Variants in ERBB4 observed in about 807,000 individuals in gnomAD.
The protein encoded by ERBB4 is receptor tyrosine-protein kinase erbB-4.
A neutral mutation model predicts 158.0 loss-of-function variants in ERBB4; 42 were observed. The ratio of observed to expected loss-of-function variants is 0.27; its 90% CI spans 0.21 to 0.34. ERBB4 has a LOEUF of 0.34. ERBB4 is among the 10% of genes least tolerant of loss of function. The pLI is 1.00. For missense variants in ERBB4, 1,333 were observed against 1,624.1 expected (o/e 0.82, Z 3.08); for synonymous variants, 583 against 558.7 (o/e 1.04, Z -0.61).
chr2:212,127,232 T>C (rs2079959421), intron 1 of ERBB4, among the ~76,000 whole-genome samples: 1 of 152,220 alleles, frequency 6.6e-6, no homozygotes, highest in African/African-American at 2.4e-5. Flanking sequence ...CCTGAAGCTA[T>C]CAGGCCACAT....
chr2:212,170,209 C>T (rs2081474166), intron 1 of ERBB4, among the ~76,000 whole-genome samples: 1 of 152,084 alleles, frequency 6.6e-6, no homozygotes, highest in African/African-American at 2.4e-5. Context: ...GAGGTGGTCT[C>T]AGATGGAGAT....
chr2:212,274,836 A>G (rs2085469015), intron 1 of ERBB4, among the ~76,000 whole-genome samples: 1 of 151,746 alleles, frequency 6.6e-6, no homozygotes, highest in African/African-American at 2.4e-5. Flanking sequence ...GGTTTGTTAC[A>G]TAGGTATACA....
At chr2:211,739,828 T>A (rs564730891) in intron 5 of ERBB4, among the ~76,000 whole-genome samples, 2 of 152,232 alleles carry the variant, frequency 1.3e-5, no homozygotes, top group East Asian at 3.9e-4. Context: ...AAAGCATTGG[T>A]AATTGATTAA....
intron 20 of ERBB4, among the ~76,000 whole-genome samples, chr2:211,545,222 C>T (rs184844229): frequency 4.6e-5 from 7 of 151,798 alleles, no homozygotes; most frequent in Non-Finnish European, 5.9e-5. Flanking sequence ...TTTTAAAGTA[C>T]AAAAAGATAA....
rs192554678 is a variant in ERBB4, at chr2:211,458,428, G to A, written c.2488-27328C>T. ...ATTACAGGCACGTGCCATCACGCAC[G>A]GCTAATTTTTTGTATTTTAGTAGAG... On this transcript the variant is annotated intron_variant, in intron 20 of 27. Transcript: ENST00000342788. Among the ~76,000 whole-genome samples the A allele has an allele frequency of 2.4e-3, 361 of 152,080 alleles. 4 individuals carry two copies. The highest frequency in any genetic ancestry group is 8.2e-3 in the African/African-American group (339 of 41,488).
chr2:211,924,393 G>A (rs2079959322), intron 3 of ERBB4, among the ~76,000 whole-genome samples: 1 of 151,986 alleles, frequency 6.6e-6, no homozygotes, highest in South Asian at 2.1e-4. Flanking sequence ...GGTGATGGGT[G>A]CCCTAAAAGC....
chr2:211,811,654 T>C (rs761951876), intron 3 of ERBB4, among the ~76,000 whole-genome samples: 1 of 152,170 alleles, frequency 6.6e-6, no homozygotes. Flanking sequence ...AGTACACCAA[T>C]CAAATGTAGA....
Position 211,657,783 on chromosome 2 carries a change from C to G in ERBB4, c.1917G>C (p.Thr639=). ...TSHDCIYYPW[T]GHSTLPQHAR... ...CATGTTGTGGTAAAGTGGAATGGCC[C>G]GTCCATGGGTAGTAAATGCAGTCAT... is the stretch of plus-strand genomic sequence containing the variant. The change falls in exon 16 of 28, where the codon ACG becomes ACC. Residue 639 remains threonine, a synonymous_variant. Coordinates refer to ENST00000342788, the MANE Select transcript of ERBB4 (RefSeq NM_005235.3). 1.9e-6 allele frequency: 3 copies of G among 1,613,890 alleles called. No individual in the cohort carries two copies. In the South Asian group the frequency reaches 3.3e-5, roughly 18 times the overall value.
At chr2:211,570,343 T>C (rs1341885810) in intron 19 of ERBB4, among the ~76,000 whole-genome samples, 1 of 147,606 alleles carries the variant, frequency 6.8e-6, no homozygotes, top group Non-Finnish European at 1.5e-5. Context: ...TTTTTTTTTT[T>C]CTCAGTAGAG....
intron 25 of ERBB4, among the ~76,000 whole-genome samples, chr2:211,415,260 G>GCGCC (rs2063362632): frequency 1.3e-5 from 2 of 151,864 alleles, no homozygotes; most frequent in Non-Finnish European, 2.9e-5. Context: ...GGGACCACAG[G>GCGCC]CGCCCGCCAC....
At chr2:211,945,322 A>G (rs1180959309) in intron 3 of ERBB4, among the ~76,000 whole-genome samples, 1 of 152,102 alleles carries the variant, frequency 6.6e-6, no homozygotes, top group Non-Finnish European at 1.5e-5. Context: ...CAGAATACCT[A>G]AAGTTCAATG....
intron 1 of ERBB4, among the ~76,000 whole-genome samples, chr2:212,340,963 T>G (rs1290121594): frequency 6.6e-6 from 1 of 152,172 alleles, no homozygotes; most frequent in Non-Finnish European, 1.5e-5. Flanking sequence ...TTTATCAAGA[T>G]CTTAAAAGGT....
chr2:211,840,872 A>G (rs6435677), intron 3 of ERBB4, among the ~76,000 whole-genome samples: 124,012 of 152,004 alleles, frequency 0.82, 50,867 homozygotes, highest in Non-Finnish European at 0.86. Context: ...ACAATGGGGT[A>G]TGCAATTTAA....
At chr2:211,851,948 C>G (rs1559575191) in intron 3 of ERBB4, among the ~76,000 whole-genome samples, 1 of 151,860 alleles carries the variant, frequency 6.6e-6, no homozygotes, top group Non-Finnish European at 1.5e-5. Flanking sequence ...AAGACCTTTA[C>G]TGATATTTTC....
chr2:211,484,913 G>A (rs1017112043), intron 20 of ERBB4, among the ~76,000 whole-genome samples: 1 of 152,146 alleles, frequency 6.6e-6, no homozygotes, highest in African/African-American at 2.4e-5. Context: ...TGGACAAGTT[G>A]AACAGTCCAG....
intron 20 of ERBB4, among the ~76,000 whole-genome samples, chr2:211,433,296 G>A (rs1236638926): frequency 6.6e-6 from 1 of 152,110 alleles, no homozygotes; most frequent in East Asian, 1.9e-4. Flanking sequence ...AAAAAGGGGA[G>A]TGAGGCCGGG....
intron 1 of ERBB4, among the ~76,000 whole-genome samples, chr2:212,257,433 C>T (rs1173689444): frequency 6.6e-6 from 1 of 152,078 alleles, no homozygotes; most frequent in African/African-American, 2.4e-5. Flanking sequence ...AATCAGCAAA[C>T]TAACTCTTTT....
intron 2 of ERBB4, among the ~76,000 whole-genome samples, chr2:212,057,208 T>A (rs1198657490): frequency 2.0e-5 from 3 of 152,160 alleles, no homozygotes; most frequent in Non-Finnish European, 4.4e-5. Flanking sequence ...GGTAAAGGGA[T>A]CAATTCAACA....
chr2:212,452,761 C>A (rs1292252087), intron 1 of ERBB4, among the ~76,000 whole-genome samples: 2 of 151,974 alleles, frequency 1.3e-5, no homozygotes, highest in East Asian at 1.9e-4. Context: ...TTCATTTGAC[C>A]AATTAATTCC....
Sources: allele counts gnomAD v4.1 joint callset (sites outside exome capture counted in the v4.1 genomes callset), GRCh38; gene constraint gnomAD v4.1.1; transcripts MANE v1.5; gene names NCBI Gene and HGNC (gene_info 2026-07-23, HGNC 2026-07-21).